Variants in CLSTN2 observed in about 807,000 individuals in gnomAD.
The protein encoded by CLSTN2 is calsyntenin-2.
A neutral mutation model predicts 101.2 loss-of-function variants in CLSTN2; 48 were observed. The observed-to-expected ratio is 0.47, with a 90% CI of 0.38 to 0.60. The LOEUF (loss-of-function observed/expected upper bound fraction) is 0.60. Ranked by LOEUF, CLSTN2 falls within the 20% of genes least tolerant of loss-of-function variation. The pLI, the probability that CLSTN2 is intolerant of heterozygous loss-of-function variation, is 0.00. For missense variants in CLSTN2, 1,160 were observed against 1,238.2 expected (o/e 0.94, Z 0.95); for synonymous variants, 481 against 463.6 (o/e 1.04, Z -0.48).
intron 2 of CLSTN2, among the ~76,000 whole-genome samples, chr3:140,259,690 A>G (rs921256167): frequency 7.9e-5 from 12 of 152,006 alleles, no homozygotes; most frequent in Admixed American, 7.2e-4. Flanking sequence ...TTCTGACCCT[A>G]TAGATTATTT....
chr3:140,153,608 C>T (rs955250120), intron 1 of CLSTN2, among the ~76,000 whole-genome samples: 1 of 152,208 alleles, frequency 6.6e-6, no homozygotes, highest in Non-Finnish European at 1.5e-5. Flanking sequence ...CACAAGGGGC[C>T]GTTCTCAAAT....
intron 3 of CLSTN2, 100 bp from the exon 4 acceptor site, chr3:140,404,458 C>T: frequency 9.8e-7 from 1 of 1,016,946 alleles, no homozygotes; most frequent in Non-Finnish European, 1.5e-6. Context: ...TTTCTCCTTT[C>T]ACTTGGCCTT....
chr3:140,310,924 G>T (rs1414060492), intron 2 of CLSTN2, among the ~76,000 whole-genome samples: 1 of 152,146 alleles, frequency 6.6e-6, no homozygotes, highest in Admixed American at 6.6e-5. Flanking sequence ...GGTGCTGCAG[G>T]TTCAAGAACA....
At chr3:140,292,246 GCTC>G (rs2086961609) in intron 2 of CLSTN2, among the ~76,000 whole-genome samples, 1 of 152,254 alleles carries the variant, frequency 6.6e-6, no homozygotes, top group Admixed American at 6.5e-5. Flanking sequence ...TGCATGTGCT[GCTC>G]CTCCTCCTGG....
At chr3:140,346,638 C>A (rs1159523695) in intron 2 of CLSTN2, among the ~76,000 whole-genome samples, 1 of 152,224 alleles carries the variant, frequency 6.6e-6, no homozygotes, top group Non-Finnish European at 1.5e-5. Context: ...CATTATTGAT[C>A]CTTATCCAAA....
chr3:140,170,996 G>T (rs2010203552), intron 1 of CLSTN2, among the ~76,000 whole-genome samples: 1 of 152,180 alleles, frequency 6.6e-6, no homozygotes, highest in Non-Finnish European at 1.5e-5. Context: ...TAGGCACAAT[G>T]AATCTGAAGC....
intron 1 of CLSTN2, among the ~76,000 whole-genome samples, chr3:140,047,916 C>G (rs2007912431): frequency 6.6e-6 from 1 of 152,094 alleles, no homozygotes; most frequent in Non-Finnish European, 1.5e-5. Flanking sequence ...TTGAAGTGGC[C>G]AAGTAGTCAA....
At chr3:140,048,565 T>C (rs988729294) in intron 1 of CLSTN2, among the ~76,000 whole-genome samples, 1 of 152,238 alleles carries the variant, frequency 6.6e-6, no homozygotes, top group African/African-American at 2.4e-5. Context: ...ATTGGGTAGA[T>C]ATTCTTACTA....
In CLSTN2 at chr3:140,402,896, T is replaced by C. The variant is rs187451249; in HGVS notation, c.233-733T>C. 1.6e-3 allele frequency among the ~76,000 whole-genome samples: 249 copies of C among 152,326 alleles called. 2 individuals carry two copies. Among genetic ancestry groups the C allele is most frequent in the Admixed American group, 6.6e-3 (101 of 15,306 alleles). ...CTCTGTTTTGCTCCCTCAAAGCCTATAGCTAAACTCTTTTCTCTAATAAGT... is the reference window on the plus strand; with the variant it reads ...CTCTGTTTTGCTCCCTCAAAGCCTACAGCTAAACTCTTTTCTCTAATAAGT... On this transcript the variant is annotated intron_variant, in intron 2 of 16. Transcript: ENST00000458420.
chr3:140,386,496 A>G (rs757743145), intron 2 of CLSTN2, among the ~76,000 whole-genome samples: 9 of 152,086 alleles, frequency 5.9e-5, no homozygotes, highest in Non-Finnish European at 1.2e-4. Flanking sequence ...ACACTATCTC[A>G]TCAGCAGCTT....
At chr3:140,405,236 T>A (rs1472850638) in intron 4 of CLSTN2, among the ~76,000 whole-genome samples, 3 of 151,814 alleles carry the variant, frequency 2.0e-5, no homozygotes, top group Admixed American at 6.6e-5. Flanking sequence ...ATTCAGGATT[T>A]TTTTTTTTGA....
intron 1 of CLSTN2, among the ~76,000 whole-genome samples, chr3:140,036,188 G>A (rs530344680): frequency 6.6e-6 from 1 of 152,226 alleles, no homozygotes; most frequent in Non-Finnish European, 1.5e-5. Flanking sequence ...CTATCTGTAA[G>A]CTAGATAGTA....
intron 2 of CLSTN2, among the ~76,000 whole-genome samples, chr3:140,185,026 T>C (rs4683810): frequency 0.37 from 56,589 of 151,910 alleles, 12,303 homozygotes; most frequent in African/African-American, 0.59. Flanking sequence ...TTGCCAGGTA[T>C]CCCCCCATTT....
At chr3:140,227,259 G>A (rs1230181816) in intron 2 of CLSTN2, among the ~76,000 whole-genome samples, 1 of 152,172 alleles carries the variant, frequency 6.6e-6, no homozygotes, top group African/African-American at 2.4e-5. Context: ...ATCCAAATGG[G>A]AGAAATTGGC....
At chr3:140,376,908 G>A (rs2087923749) in intron 2 of CLSTN2, among the ~76,000 whole-genome samples, 1 of 152,132 alleles carries the variant, frequency 6.6e-6, no homozygotes, top group Admixed American at 6.6e-5. Context: ...GTGAAGGAAA[G>A]GAACATACTT....
At chr3:140,395,279 G>A (rs2088168609) in intron 2 of CLSTN2, among the ~76,000 whole-genome samples, 2 of 152,172 alleles carry the variant, frequency 1.3e-5, no homozygotes, top group South Asian at 4.1e-4. Flanking sequence ...TGGGAACCAA[G>A]GTTAAGTTAT....
intron 1 of CLSTN2, among the ~76,000 whole-genome samples, chr3:140,010,150 C>T (rs1465856727): frequency 2.6e-5 from 4 of 152,178 alleles, no homozygotes; most frequent in South Asian, 2.1e-4. Context: ...GTATTTGGCC[C>T]GTAAATATTT....
At chr3:139,959,831 C>T (rs1342009158) in intron 1 of CLSTN2, among the ~76,000 whole-genome samples, 1 of 152,162 alleles carries the variant, frequency 6.6e-6, no homozygotes, top group Non-Finnish European at 1.5e-5. Context: ...GCTTCAGACA[C>T]AGAATGTCAC....
chr3:140,129,754 C>T (rs960194023), intron 1 of CLSTN2, among the ~76,000 whole-genome samples: 1 of 152,144 alleles, frequency 6.6e-6, no homozygotes, highest in Non-Finnish European at 1.5e-5. Context: ...GGCACCAGAT[C>T]AGCTGGGCCT....
Sources: gnomAD v4.1 joint callset for allele counts (sites outside exome capture counted in the v4.1 genomes callset) on GRCh38, gnomAD v4.1.1 for gene constraint, MANE v1.5 for transcripts, NCBI Gene and HGNC (gene_info 2026-07-23, HGNC 2026-07-21) for gene names.